CELF2: variants seen among roughly 807,000 people sequenced by gnomAD.
The protein encoded by CELF2 is CUGBP Elav-like family member 2.
In CELF2, 8 loss-of-function variants were observed where a neutral mutation model predicts 62.6. That is an observed-to-expected ratio of 0.13 (90% CI 0.07 to 0.23). The LOEUF is 0.23. Among genes scored for constraint, CELF2 ranks in the 10% least tolerant of loss-of-function variants. CELF2 has a pLI of 1.00. For synonymous variants in CELF2, 258 were observed against 250.0 expected, an observed-to-expected ratio of 1.03 and a Z score of -0.30; for missense variants, 333 against 671.0, an observed-to-expected ratio of 0.50 and a Z score of 5.56.
At chr10:10,905,656 A>G (rs2063276590) in intron 1 of CELF2, among the ~76,000 whole-genome samples, 2 of 152,074 alleles carry the variant, frequency 1.3e-5, no homozygotes, top group African/African-American at 4.8e-5. Flanking sequence ...AGGCAGGCAG[A>G]TCACGAGGTC....
At chr10:11,289,149 T>C (rs11591255) in intron 9 of CELF2, among the ~76,000 whole-genome samples, 4,773 of 152,312 alleles carry the variant, frequency 0.031, 111 homozygotes, top group Non-Finnish European at 0.046. Context: ...AGAATGTGGT[T>C]GCTTAGATAC....
intron 5 of CELF2, among the ~76,000 whole-genome samples, chr10:11,266,212 T>A (rs2082151709): frequency 6.6e-6 from 1 of 152,156 alleles, no homozygotes; most frequent in African/African-American, 2.4e-5. Flanking sequence ...AAAGCCCTGA[T>A]GTGTGAATGC....
intron 1 of CELF2, among the ~76,000 whole-genome samples, chr10:11,028,754 C>A (rs2059660384): frequency 7.0e-6 from 1 of 141,914 alleles, no homozygotes; most frequent in Admixed American, 7.3e-5. Flanking sequence ...GAATCTTGCT[C>A]TGTTGCCCAG....
the CELF2 span, among the ~76,000 whole-genome samples, chr10:10,607,251 T>G: frequency 6.6e-6 from 1 of 152,176 alleles, no homozygotes; most frequent in African/African-American, 2.4e-5. Context: ...TCATGTGGTT[T>G]TTGTTCAGGA....
At chr10:11,259,828 G>C (rs182021421) in intron 5 of CELF2, among the ~76,000 whole-genome samples, 3 of 152,354 alleles carry the variant, frequency 2.0e-5, no homozygotes, top group Admixed American at 6.5e-5. Flanking sequence ...GGAAAAGACA[G>C]TGTGGCTAAA....
chr10:10,805,684 A>G (rs942650333), intron 1 of CELF2, among the ~76,000 whole-genome samples: 1 of 152,172 alleles, frequency 6.6e-6, no homozygotes, highest in Admixed American at 6.5e-5. Context: ...TGTAAGTTTT[A>G]TAGCTCAAGG....
chr10:11,312,096 G>C (rs1330090193), intron 9 of CELF2, among the ~76,000 whole-genome samples: 3 of 152,114 alleles, frequency 2.0e-5, no homozygotes, highest in South Asian at 2.1e-4. Context: ...CTCAGTACCT[G>C]ACCTCTCAAC....
chr10:10,858,022 GAAATTCAGAGATAAT>G (rs2059847893), intron 1 of CELF2, among the ~76,000 whole-genome samples: 1 of 151,828 alleles, frequency 6.6e-6, no homozygotes, highest in African/African-American at 2.4e-5. Flanking sequence ...TCTAAAGTCA[GAAATTCAGAGATAAT>G]AAAGGTGGAA....
At chr10:10,597,610 G>A in the CELF2 span, among the ~76,000 whole-genome samples, 3 of 152,064 alleles carry the variant, frequency 2.0e-5, no homozygotes, top group Admixed American at 6.6e-5. Flanking sequence ...AACTTTAAAG[G>A]ACCGGCATCT....
chr10:11,033,485 G>A (rs757497204), intron 1 of CELF2, among the ~76,000 whole-genome samples: 3 of 152,112 alleles, frequency 2.0e-5, no homozygotes, highest in Admixed American at 1.3e-4. Flanking sequence ...TCAGCCTCCC[G>A]ACCTCAGGTG....
chr10:10,967,918 GCACA>G (rs112085743), intron 2 of CELF2, among the ~76,000 whole-genome samples: 1 of 149,310 alleles, frequency 6.7e-6, no homozygotes, highest in African/African-American at 2.5e-5. Context: ...ATTAAGGTAA[GCACA>G]CACACACACA....
At chr10:10,785,142 A>G in the CELF2 span, among the ~76,000 whole-genome samples, 14 of 152,228 alleles carry the variant, frequency 9.2e-5, no homozygotes, top group South Asian at 2.1e-4. Flanking sequence ...GTTACAGCCA[A>G]TCCTCACCTT....
At chr10:10,559,023 T>C in the CELF2 span, among the ~76,000 whole-genome samples, 1 of 152,212 alleles carries the variant, frequency 6.6e-6, no homozygotes, top group Non-Finnish European at 1.5e-5. Flanking sequence ...ATATTTTAGA[T>C]ATATTACTTT....
At chr10:11,109,942 T>G (rs774172048) in intron 1 of CELF2, among the ~76,000 whole-genome samples, 2 of 152,094 alleles carry the variant, frequency 1.3e-5, no homozygotes, top group East Asian at 1.9e-4. Flanking sequence ...TCATGATGTT[T>G]CGTATTTTAA....
the CELF2 span, among the ~76,000 whole-genome samples, chr10:10,590,752 C>T: frequency 6.6e-6 from 1 of 152,214 alleles, no homozygotes; most frequent in Non-Finnish European, 1.5e-5. Flanking sequence ...CTGGCCCCTC[C>T]CTCATCAGTT....
intron 1 of CELF2, among the ~76,000 whole-genome samples, chr10:10,912,855 T>C (rs7076814): frequency 0.052 from 7,904 of 152,254 alleles, 674 homozygotes; most frequent in African/African-American, 0.18. Context: ...CTATCTGTCA[T>C]TGCCTGCATG....
intron 1 of CELF2, among the ~76,000 whole-genome samples, chr10:11,067,489 A>G (rs2068488111): frequency 6.6e-6 from 1 of 152,220 alleles, no homozygotes; most frequent in Non-Finnish European, 1.5e-5. Flanking sequence ...GAACGCTTCT[A>G]AGTGCCTGTG....
At chr10:10,924,405 T>G (rs1591987169) in intron 2 of CELF2, among the ~76,000 whole-genome samples, 1 of 152,036 alleles carries the variant, frequency 6.6e-6, no homozygotes, top group East Asian at 1.9e-4. Flanking sequence ...AATTCCTTGT[T>G]AACAGAGTCC....
intron 2 of CELF2, among the ~76,000 whole-genome samples, chr10:11,166,798 A>T (rs7899835): frequency 0.014 from 2,092 of 152,310 alleles, 53 homozygotes; most frequent in African/African-American, 0.047. Context: ...CCTTACTGGC[A>T]AGGTGAAATG....
Sources: allele counts gnomAD v4.1 joint callset (sites outside exome capture counted in the v4.1 genomes callset), GRCh38; gene constraint gnomAD v4.1.1; transcripts MANE v1.5; gene names NCBI Gene and HGNC (gene_info 2026-07-23, HGNC 2026-07-21).